Variants in PPFIA2 observed in about 807,000 individuals in gnomAD.
The protein encoded by PPFIA2 is PPFI scaffold protein A2, also known as liprin-alpha-2.
Under a neutral mutation model 175.5 loss-of-function variants are expected in PPFIA2, and 46 were observed. The ratio of observed to expected loss-of-function variants is 0.26; its 90% CI spans 0.21 to 0.34. The LOEUF is 0.34. PPFIA2 is among the 10% of genes least tolerant of loss of function. The pLI is 1.00. For synonymous variants in PPFIA2, 568 were observed against 511.4 expected (o/e 1.11, Z -1.49); for missense variants, 1,179 against 1,506.1 (o/e 0.78, Z 3.60).
Position 81,369,099 on chromosome 12 carries a change from T to A in PPFIA2, c.1350+12A>T, listed in dbSNP as rs1319237960. The A allele has an allele frequency of 1.1e-5, 17 of 1,576,626 alleles. No homozygotes were observed. Among genetic ancestry groups the A allele is most frequent in the Non-Finnish European group, 1.4e-5 (16 of 1,150,116 alleles). The stretch of plus-strand genomic sequence containing the variant: ...CCAATGATTGGGGGGTAATAGTTCT[T>A]AATATACATACTCTTTGAAGTTCTT... On this transcript the variant is annotated intron_variant, in intron 12 of 32. Transcript: ENST00000549396.
intron 22 of PPFIA2, chr12:81,302,726 A>G: frequency 2.2e-6 from 1 of 450,012 alleles, no homozygotes; most frequent in South Asian, 1.6e-5. Flanking sequence ...TATTTAAAAA[A>G]GAACAGCATT....
intron 24 of PPFIA2, among the ~76,000 whole-genome samples, chr12:81,288,361 C>T (rs1471211642): frequency 1.3e-5 from 2 of 151,696 alleles, no homozygotes; most frequent in African/African-American, 4.8e-5. Context: ...AAATTTTATG[C>T]TTGAGATTAT....
chr12:81,611,316 C>T (rs550009028), intron 4 of PPFIA2, among the ~76,000 whole-genome samples: 1 of 152,272 alleles, frequency 6.6e-6, no homozygotes, highest in African/African-American at 2.4e-5. Flanking sequence ...GGGCCCGGGA[C>T]CCAGCAACTG....
chr12:81,358,043 T>A (rs765096707), intron 16 of PPFIA2, 39 bp downstream of exon 16: 12 of 1,496,442 alleles, frequency 8.0e-6, no homozygotes, highest in Admixed American at 2.4e-5. Flanking sequence ...ACTATGTATT[T>A]AAATAAAACT....
intron 24 of PPFIA2, among the ~76,000 whole-genome samples, chr12:81,284,600 G>A (rs952094977): frequency 6.6e-6 from 1 of 152,128 alleles, no homozygotes; most frequent in African/African-American, 2.4e-5. Flanking sequence ...CATTTCAATG[G>A]TATGTGGCTA....
chr12:81,335,231 G>A (rs1317631026), intron 21 of PPFIA2, among the ~76,000 whole-genome samples: 1 of 152,092 alleles, frequency 6.6e-6, no homozygotes, highest in Non-Finnish European at 1.5e-5. Context: ...GCATATTTGA[G>A]CAATAATGAA....
intron 4 of PPFIA2, among the ~76,000 whole-genome samples, chr12:81,664,805 A>C (rs1230598688): frequency 2.6e-5 from 4 of 152,130 alleles, no homozygotes; most frequent in Non-Finnish European, 4.4e-5. Flanking sequence ...CAACAATGAT[A>C]GACTGGATTA....
At chr12:81,480,522 A>C (rs1033178645) in intron 4 of PPFIA2, among the ~76,000 whole-genome samples, 15 of 152,184 alleles carry the variant, frequency 9.9e-5, no homozygotes, top group Middle Eastern at 3.4e-3. Context: ...GTCTTTTTGC[A>C]CTTTTTTCCT....
intron 7 of PPFIA2, among the ~76,000 whole-genome samples, chr12:81,437,932 CTTT>C (rs757626140): frequency 9.3e-5 from 13 of 139,834 alleles, no homozygotes; most frequent in African/African-American, 3.4e-4. Flanking sequence ...TCTCTTATTT[CTTT>C]TTTTTTTTTT....
intron 21 of PPFIA2, among the ~76,000 whole-genome samples, chr12:81,333,318 A>G (rs2056492375): frequency 6.6e-6 from 1 of 152,336 alleles, no homozygotes; most frequent in East Asian, 1.9e-4. Flanking sequence ...TAGCTCTTAT[A>G]CAGAACAACT....
chr12:81,633,359 G>C (rs866891100), intron 4 of PPFIA2, among the ~76,000 whole-genome samples: 1 of 152,200 alleles, frequency 6.6e-6, no homozygotes, highest in South Asian at 2.1e-4. Context: ...GGAGTCATGT[G>C]CTAGGTACAG....
intron 14 of PPFIA2, among the ~76,000 whole-genome samples, chr12:81,363,714 C>G (rs1464810915): frequency 6.6e-6 from 1 of 151,662 alleles, no homozygotes; most frequent in African/African-American, 2.4e-5. Context: ...TCACTACCAT[C>G]CTACTCTAAG....
chr12:81,581,705 C>T (rs753691319), intron 4 of PPFIA2, among the ~76,000 whole-genome samples: 2 of 142,180 alleles, frequency 1.4e-5, no homozygotes, highest in Non-Finnish European at 3.0e-5. Context: ...ATAATAGTCA[C>T]GTGAGTCAAA....
At chr12:81,608,352 T>G (rs982522340) in intron 4 of PPFIA2, among the ~76,000 whole-genome samples, 3 of 152,138 alleles carry the variant, frequency 2.0e-5, no homozygotes, top group Non-Finnish European at 4.4e-5. Flanking sequence ...TTTTTTGGAA[T>G]AGTTTCAGTA....
rs368882427 is a variant in PPFIA2 at position 81,670,506 on chromosome 12, C to A, written c.303+6285G>T. Among the ~76,000 whole-genome samples the A allele has an allele frequency of 7.2e-5, 11 of 151,992 alleles. No homozygotes were observed. The East Asian group carries it at 7.8e-4, about 11-fold the overall frequency. On this transcript the variant is annotated intron_variant, in intron 4 of 32. Coordinates refer to ENST00000549396, the MANE Select transcript of PPFIA2 (RefSeq NM_003625.5). Reference sequence around the variant, plus strand: ...TTCTGAAATGCTTAAACCAAGCACACAGGTAATGACAAAACACACTCAAAT... The same window carrying A: ...TTCTGAAATGCTTAAACCAAGCACAAAGGTAATGACAAAACACACTCAAAT...
In PPFIA2 at chr12:81,540,112, T is replaced by G. The variant is rs73360673; in HGVS notation, c.304-82246A>C. Among the ~76,000 whole-genome samples, 1,451 of 151,948 alleles carry G rather than the reference T, an allele frequency of 9.5e-3. 24 individuals carry two copies. Among genetic ancestry groups the G allele is most frequent in the African/African-American group, 0.029 (1,221 of 41,514 alleles). ...AGAGAGACCAATAGATATTTGTGTT[T>G]ATAGCCAATTTCAGGCAGATTCTGT... On this transcript the variant is annotated intron_variant, in intron 4 of 32. Transcript: ENST00000549396.
chr12:81,280,402 A>G (rs529906210), intron 27 of PPFIA2, among the ~76,000 whole-genome samples: 2 of 152,238 alleles, frequency 1.3e-5, no homozygotes, highest in South Asian at 2.1e-4. Context: ...AAAAGCCCCA[A>G]TTATCCTCTA....
chr12:81,577,930 A>C (rs919628836), intron 4 of PPFIA2, among the ~76,000 whole-genome samples: 3 of 151,786 alleles, frequency 2.0e-5, no homozygotes, highest in African/African-American at 7.2e-5. Flanking sequence ...TGAGTGGTCC[A>C]ACCTTGGGAT....
intron 4 of PPFIA2, among the ~76,000 whole-genome samples, chr12:81,636,558 C>T (rs2064081697): frequency 6.6e-6 from 1 of 150,966 alleles, no homozygotes; most frequent in Non-Finnish European, 1.5e-5. Context: ...AGCCACCGCG[C>T]CCGGCCAACT....
Sources: gnomAD v4.1 joint callset for allele counts (sites outside exome capture counted in the v4.1 genomes callset) on GRCh38, gnomAD v4.1.1 for gene constraint, MANE v1.5 for transcripts, NCBI Gene and HGNC (gene_info 2026-07-23, HGNC 2026-07-21) for gene names.